Variants in CBFB observed in about 807,000 individuals in gnomAD.
CBFB encodes the protein core-binding factor subunit beta.
CBFB carries 9 observed loss-of-function variants against 30.4 expected under a neutral mutation model. The observed-to-expected ratio is 0.30, with a 90% CI of 0.18 to 0.52. CBFB has a LOEUF of 0.52. CBFB is among the 20% of genes least tolerant of loss of function. The pLI, the probability that CBFB is intolerant of heterozygous loss-of-function variation, is 0.97. For synonymous variants in CBFB, 94 were observed against 84.0 expected (o/e 1.12, Z -0.65); for missense variants, 170 against 244.0 (o/e 0.70, Z 2.02).
In CBFB at chr16:67,099,492, G is replaced by T. The variant is rs746359212; in HGVS notation, c.*714G>T. 5.0e-6 allele frequency: 1 copy of T among 200,952 alleles called. No individual in the cohort carries two copies. The highest frequency in any genetic ancestry group is 1.9e-4 in the South Asian group (1 of 5,198). 12.4% of individuals were successfully genotyped at this position (200,952 alleles called of 1,614,324 possible). Reference sequence around the variant, plus strand: ...TGGTCTCGAACTCCTGGCATCAAGCGATCCTCCTGCCTTAGCCTCCCAGAG... The same window carrying T: ...TGGTCTCGAACTCCTGGCATCAAGCTATCCTCCTGCCTTAGCCTCCCAGAG... On this transcript the variant is annotated 3_prime_UTR_variant, in exon 6 of 6. Transcript: ENST00000412916.
rs988543867 is a variant in CBFB at position 67,036,815 on chromosome 16, G to A, written c.282+60G>A. The A allele has an allele frequency of 3.2e-6, 3 of 924,830 alleles. No homozygotes were observed. In the Admixed American group the frequency reaches 5.1e-5, roughly 16 times the overall value. The allele number at this position is 924,830 out of a possible 1,614,324, so 57.3% of individuals were successfully genotyped here. A position where few individuals can be genotyped will look rare whatever the true frequency, so the allele number is the denominator to read the frequency against. ...GGGTTGTTTTGTTAGAGATTATCTG[G>A]TAATTTACATTTTAATAAAGATCAC... On this transcript the variant is annotated intron_variant, in intron 3 of 5. Transcript: ENST00000412916.
chr16:67,068,430 A>G (rs1259333073), intron 4 of CBFB, among the ~76,000 whole-genome samples: 3 of 152,072 alleles, frequency 2.0e-5, no homozygotes, highest in African/African-American at 7.2e-5. Context: ...GCAGTGAACT[A>G]TGATCATGCC....
At chr16:67,056,234 G>A (rs573519864) in intron 3 of CBFB, among the ~76,000 whole-genome samples, 4 of 152,310 alleles carry the variant, frequency 2.6e-5, no homozygotes, top group Admixed American at 2.0e-4. Flanking sequence ...CAAGAAGGCC[G>A]TAATGTGCCT....
intron 3 of CBFB, among the ~76,000 whole-genome samples, chr16:67,057,747 C>G (rs1458770518): frequency 6.6e-6 from 1 of 152,054 alleles, no homozygotes; most frequent in Non-Finnish European, 1.5e-5. Flanking sequence ...TTTTTCAACT[C>G]CACTGGTTAA....
intron 4 of CBFB, among the ~76,000 whole-genome samples, chr16:67,077,130 C>A (rs1359120708): frequency 2.0e-5 from 3 of 152,148 alleles, no homozygotes; most frequent in Non-Finnish European, 4.4e-5. Flanking sequence ...GTTCCACCAA[C>A]ATTTGTATTA....
chr16:67,053,503 C>A (rs1284785175), intron 3 of CBFB, among the ~76,000 whole-genome samples: 2 of 151,970 alleles, frequency 1.3e-5, no homozygotes, highest in African/African-American at 4.8e-5. Context: ...GATCCACACT[C>A]TTCGGCCTCC....
At chr16:67,093,206 G>A (rs1479884190) in intron 5 of CBFB, among the ~76,000 whole-genome samples, 1 of 152,084 alleles carries the variant, frequency 6.6e-6, no homozygotes, top group East Asian at 1.9e-4. Context: ...TCAGCCTCCC[G>A]AAGTGCTGTA....
chr16:67,089,887 C>T (rs1961834642), intron 5 of CBFB, among the ~76,000 whole-genome samples: 1 of 152,196 alleles, frequency 6.6e-6, no homozygotes, highest in South Asian at 2.1e-4. Flanking sequence ...AGAATGGGGA[C>T]TCAGTGGAAG....
rs956815463 is a variant in CBFB at position 67,100,478 on chromosome 16, TATGA to T, written c.*1707_*1710del. 2 of 227,700 alleles carry T rather than the reference TATGA, an allele frequency of 8.8e-6. No individual in the cohort carries two copies. Among genetic ancestry groups the T allele is most frequent in the Non-Finnish European group, 1.7e-5 (2 of 114,446 alleles). The allele number at this position is 227,700 out of a possible 1,614,324, so 14.1% of individuals were successfully genotyped here. A position where few individuals can be genotyped will look rare whatever the true frequency, so the allele number is the denominator to read the frequency against. ...GCTGATCTTGCATAACTATAAGTAC[TATGA>T]ATGAATTTGGTTGGTTTTGGTGTTG... is the stretch of plus-strand genomic sequence containing the variant. On this transcript the variant is annotated 3_prime_UTR_variant, in exon 6 of 6. Coordinates refer to ENST00000412916, the MANE Select transcript of CBFB (RefSeq NM_022845.3).
At chr16:67,029,951 C>G (rs1031387945) in intron 2 of CBFB, 138 bp downstream of exon 2, 3 of 522,828 alleles carry the variant, frequency 5.7e-6, no homozygotes, top group African/African-American at 2.0e-5. Context: ...ACTCGGGATT[C>G]AAAATGCGAA....
intron 2 of CBFB, 76 bp from the exon 3 acceptor site, chr16:67,036,563 G>A (rs1462852164): frequency 9.5e-6 from 8 of 845,564 alleles, no homozygotes; most frequent in African/African-American, 1.7e-5. Flanking sequence ...ATAAACTGAT[G>A]TAAAAATAAA....
Position 67,029,374 on chromosome 16 carries a change from G to A in CBFB, c.-34G>A. 6.8e-7 allele frequency: 1 copy of A among 1,470,774 alleles called. No homozygotes were observed. Among genetic ancestry groups the A allele is most frequent in the Non-Finnish European group, 9.0e-7 (1 of 1,106,762 alleles). The allele number at this position is 1,470,774 out of a possible 1,614,324, so 91.1% of individuals were successfully genotyped here. A position where few individuals can be genotyped will look rare whatever the true frequency, so the allele number is the denominator to read the frequency against. On this transcript the variant is annotated 5_prime_UTR_variant, in exon 1 of 6. Transcript: ENST00000412916. ...CAGCGGGTGCCCGCGCAAGCCCCGAGCGCGGCCGGCCGGCGCGGCCTCAGG... is the reference window on the plus strand; with the variant it reads ...CAGCGGGTGCCCGCGCAAGCCCCGAACGCGGCCGGCCGGCGCGGCCTCAGG...
At chr16:67,076,454 G>A (rs777037751) in intron 4 of CBFB, among the ~76,000 whole-genome samples, 74 of 152,178 alleles carry the variant, frequency 4.9e-4, no homozygotes, top group Admixed American at 2.1e-3. Context: ...ACAAAATCAG[G>A]TAAAACCAAT....
At chr16:67,074,638 C>A (rs530480610) in intron 4 of CBFB, among the ~76,000 whole-genome samples, 2 of 152,090 alleles carry the variant, frequency 1.3e-5, no homozygotes, top group Non-Finnish European at 2.9e-5. Context: ...GCTTCGGCCT[C>A]CCAAAGTGCT....
chr16:67,029,646 T>G, intron 1 of CBFB, 81 bp from the exon 2 acceptor site: 3 of 1,371,166 alleles, frequency 2.2e-6, no homozygotes, highest in Non-Finnish European at 3.0e-6. Context: ...TGCTTGCCCT[T>G]ATCGGCGCTG....
chr16:67,046,047 T>C (rs1249277881), intron 3 of CBFB, among the ~76,000 whole-genome samples: 2 of 152,062 alleles, frequency 1.3e-5, no homozygotes, highest in Non-Finnish European at 2.9e-5. Context: ...CCGCCTGTCT[T>C]GGCCTCCCAA....
intron 3 of CBFB, among the ~76,000 whole-genome samples, chr16:67,065,188 C>T (rs1030838312): frequency 2.0e-5 from 3 of 152,066 alleles, no homozygotes; most frequent in African/African-American, 7.2e-5. Context: ...CATCAGCCAC[C>T]GCGCCTAGCC....
intron 3 of CBFB, among the ~76,000 whole-genome samples, chr16:67,037,121 A>G (rs914360526): frequency 6.6e-6 from 1 of 151,988 alleles, no homozygotes; most frequent in African/African-American, 2.4e-5. Flanking sequence ...CTGGTCTCGA[A>G]CTCCTGACCT....
chr16:67,078,038 T>C (rs531025682), intron 4 of CBFB, among the ~76,000 whole-genome samples: 21 of 152,312 alleles, frequency 1.4e-4, no homozygotes, highest in Admixed American at 8.5e-4. Context: ...CGAACCTGAA[T>C]GGAGTTGGTT....
Sources: allele counts gnomAD v4.1 joint callset (sites outside exome capture counted in the v4.1 genomes callset), GRCh38; gene constraint gnomAD v4.1.1; transcripts MANE v1.5; gene names NCBI Gene and HGNC (gene_info 2026-07-23, HGNC 2026-07-21).